The following RGS6 variants were observed in gnomAD, a reference collection of about 807,000 sequenced individuals.
RGS6 encodes regulator of G-protein signaling 6.
Under a neutral mutation model 78.5 loss-of-function variants are expected in RGS6, and 30 were observed. That is an observed-to-expected ratio of 0.38 (90% CI 0.29 to 0.52). RGS6 has a LOEUF of 0.52. Among genes scored for constraint, RGS6 ranks in the 20% least tolerant of loss-of-function variants. RGS6 has a pLI of 0.85. For synonymous variants in RGS6, 206 were observed against 206.0 expected, an observed-to-expected ratio of 1.00 and a Z score of 0.00; for missense variants, 495 against 609.7, an observed-to-expected ratio of 0.81 and a Z score of 1.98.
intron 2 of RGS6, among the ~76,000 whole-genome samples, chr14:72,259,679 G>C (rs189855391): frequency 6.6e-6 from 1 of 151,452 alleles, no homozygotes. Context: ...AGGCTGAGGC[G>C]GGTGGATCAC....
At chr14:71,987,120 C>T (rs944708008) in intron 2 of RGS6, among the ~76,000 whole-genome samples, 3 of 152,176 alleles carry the variant, frequency 2.0e-5, no homozygotes, top group Non-Finnish European at 4.4e-5. Flanking sequence ...CGTTATTCTA[C>T]TTATCACACT....
At chr14:72,026,392 C>G (rs1218794411) in intron 2 of RGS6, among the ~76,000 whole-genome samples, 28 of 151,774 alleles carry the variant, frequency 1.8e-4, no homozygotes, top group Non-Finnish European at 3.4e-4. Flanking sequence ...GGGTGACAGA[C>G]AGAGACTCCA....
At chr14:72,311,795 G>A (rs868046261) in intron 2 of RGS6, among the ~76,000 whole-genome samples, 1 of 152,192 alleles carries the variant, frequency 6.6e-6, no homozygotes, top group African/African-American at 2.4e-5. Context: ...ATACAAAATT[G>A]TGGTTTGGTT....
At chr14:71,982,833 A>T (rs1216029312) in intron 2 of RGS6, among the ~76,000 whole-genome samples, 1 of 152,188 alleles carries the variant, frequency 6.6e-6, no homozygotes, top group Admixed American at 6.5e-5. Flanking sequence ...AATGTTTTTC[A>T]GCATTTCCAG....
chr14:72,336,817 G>A (rs539138484), intron 2 of RGS6, among the ~76,000 whole-genome samples: 16 of 152,106 alleles, frequency 1.1e-4, no homozygotes, highest in South Asian at 4.2e-4. Flanking sequence ...GCCAGGAAAG[G>A]ATCTGTTCCC....
At chr14:72,493,587 C>G (rs907984417) in intron 12 of RGS6, among the ~76,000 whole-genome samples, 4 of 152,044 alleles carry the variant, frequency 2.6e-5, no homozygotes, top group African/African-American at 4.8e-5. Context: ...TAATTATTTT[C>G]TTATCTATCA....
At chr14:72,191,964 A>C (rs551037508) in intron 2 of RGS6, among the ~76,000 whole-genome samples, 58 of 152,106 alleles carry the variant, frequency 3.8e-4, no homozygotes, top group Non-Finnish European at 7.5e-4. Context: ...AGGTGTCCTC[A>C]GGGTGGTGCG....
the RGS6 span, among the ~76,000 whole-genome samples, chr14:71,882,847 A>G: frequency 1.3e-5 from 2 of 152,320 alleles, no homozygotes; most frequent in African/African-American, 2.4e-5. Context: ...AAACTATATC[A>G]TATAGATGTG....
chr14:72,627,383 C>T, the RGS6 span, among the ~76,000 whole-genome samples: 1 of 152,082 alleles, frequency 6.6e-6, no homozygotes, highest in African/African-American at 2.4e-5. Flanking sequence ...ACCCCATTGT[C>T]CCAGCACCAT....
In RGS6 at chr14:71,956,357, G is replaced by GTGTGTGTGTGTGTA. The variant is rs1555400488; in HGVS notation, c.-20-8414_-20-8413insGTGTGTGTGTGTAT. Among the ~76,000 whole-genome samples the GTGTGTGTGTGTGTA allele has an allele frequency of 6.6e-5, 10 of 150,592 alleles. No individual in the cohort carries two copies. The East Asian group carries it at 2.0e-3, about 29-fold the overall frequency. On this transcript the variant is annotated intron_variant, in intron 1 of 17. Transcript: ENST00000553525. ...TGTGTGTGTGTGTGTGTGTGTGTGT[G>GTGTGTGTGTGTGTA]TATATTCTATTTTTATATATACAAT...
chr14:72,264,495 G>A (rs1034976768), intron 2 of RGS6, among the ~76,000 whole-genome samples: 10 of 152,052 alleles, frequency 6.6e-5, no homozygotes, highest in African/African-American at 1.7e-4. Flanking sequence ...CTTATTTTCC[G>A]GGAGAGGAAA....
At chr14:71,881,542 C>G in the RGS6 span, among the ~76,000 whole-genome samples, 1 of 152,332 alleles carries the variant, frequency 6.6e-6, no homozygotes, top group Middle Eastern at 3.4e-3. Flanking sequence ...CTCAAGAGGT[C>G]TGATGGCTTT....
At chr14:72,540,970 A>G in intron 17 of RGS6, 1 of 1,251,350 alleles carries the variant, frequency 8.0e-7, no homozygotes, top group South Asian at 1.3e-5. Flanking sequence ...GGTTTGTAGA[A>G]CAACACAGGC....
intron 2 of RGS6, among the ~76,000 whole-genome samples, chr14:72,323,130 C>T (rs1335701030): frequency 1.3e-5 from 2 of 151,950 alleles, no homozygotes; most frequent in African/African-American, 2.4e-5. Context: ...TGATTATGTA[C>T]TGTAAAACAC....
At chr14:72,432,808 C>T (rs2094708800) in intron 3 of RGS6, among the ~76,000 whole-genome samples, 2 of 152,130 alleles carry the variant, frequency 1.3e-5, no homozygotes, top group African/African-American at 4.8e-5. Flanking sequence ...TTCTATGACC[C>T]CAGGACCATG....
chr14:72,573,768 G>A, the RGS6 span, among the ~76,000 whole-genome samples: 2 of 152,080 alleles, frequency 1.3e-5, no homozygotes, highest in African/African-American at 2.4e-5. Context: ...AAGCTGTTCT[G>A]CAGCAACCAA....
chr14:72,133,187 C>A (rs1164766080), intron 2 of RGS6, among the ~76,000 whole-genome samples: 1 of 152,176 alleles, frequency 6.6e-6, no homozygotes, highest in Non-Finnish European at 1.5e-5. Context: ...CACTGGCTGT[C>A]TTTCTCTCAT....
chr14:72,306,177 GATCTGTTTAC>G (rs1251358298), intron 2 of RGS6, among the ~76,000 whole-genome samples: 1 of 152,144 alleles, frequency 6.6e-6, no homozygotes, highest in Non-Finnish European at 1.5e-5. Context: ...ACGAAGCCCA[GATCTGTTTAC>G]AGAAGGATTT....
intron 2 of RGS6, among the ~76,000 whole-genome samples, chr14:72,094,604 A>G (rs1297497933): frequency 6.6e-6 from 1 of 152,198 alleles, no homozygotes; most frequent in Admixed American, 6.5e-5. Context: ...TTTAATCACC[A>G]CCAACACATA....
Sources: allele counts gnomAD v4.1 joint callset (sites outside exome capture counted in the v4.1 genomes callset), GRCh38; gene constraint gnomAD v4.1.1; transcripts MANE v1.5; gene names NCBI Gene and HGNC (gene_info 2026-07-23, HGNC 2026-07-21).